The following NFKB1 variants were observed in gnomAD, a reference collection of about 807,000 sequenced individuals.
NFKB1 encodes nuclear factor NF-kappa-B p105 subunit.
In NFKB1, 9 loss-of-function variants were observed where a neutral mutation model predicts 105.1. The ratio of observed to expected loss-of-function variants is 0.09; its 90% CI spans 0.05 to 0.15. The LOEUF (loss-of-function observed/expected upper bound fraction) is 0.15, where lower values mean the gene tolerates loss of function less well. NFKB1 is among the 10% of genes least tolerant of loss of function. The probability of loss-of-function intolerance (pLI) is 1.00; values close to 1 mark genes in which losing one functional copy is unlikely to be tolerated. For missense variants in NFKB1, 830 were observed against 1,203.7 expected (o/e 0.69, Z 4.59); for synonymous variants, 440 against 442.2 (o/e 1.00, Z 0.06).
chr4:102,553,286 T>C (rs1449077628), intron 5 of NFKB1, among the ~76,000 whole-genome samples: 2 of 152,094 alleles, frequency 1.3e-5, no homozygotes, highest in Non-Finnish European at 2.9e-5. Context: ...AGTGATAAAA[T>C]AGATTTTCTA....
Position 102,601,029 on chromosome 4 carries a change from A to AT in NFKB1, c.1752+20_1752+21insT. On this transcript the variant is annotated intron_variant, in intron 16 of 23. Coordinates refer to ENST00000226574, the MANE Select transcript of NFKB1 (RefSeq NM_003998.4). ...TACCAGGTAAGCAGAAATCTCAAGA[A>AT]AACAACTGAAGAAAAATCTGTAGTT... 3.6e-6 allele frequency: 5 copies of AT among 1,394,990 alleles called. No homozygotes were observed. Among genetic ancestry groups the AT allele is most frequent in the Non-Finnish European group, 5.0e-6 (5 of 996,616 alleles). The allele number at this position is 1,394,990 out of a possible 1,614,324, so 86.4% of individuals were successfully genotyped here.
rs1725102658 is a variant in NFKB1, at chr4:102,579,059, C to T, written c.730+20C>T. Reference sequence around the variant, plus strand: ...ACAGTAGTGAGTACTTCACTTCCAACAGGGGGCACACCAAGAATAGACTTC... The same window carrying T: ...ACAGTAGTGAGTACTTCACTTCCAATAGGGGGCACACCAAGAATAGACTTC... On this transcript the variant is annotated intron_variant, in intron 8 of 23. Coordinates refer to ENST00000226574, the MANE Select transcript of NFKB1 (RefSeq NM_003998.4). 6.2e-7 allele frequency: 1 copy of T among 1,605,950 alleles called. No individual in the cohort carries two copies. The highest frequency in any genetic ancestry group is 1.1e-5 in the South Asian group (1 of 90,664).
intron 1 of NFKB1, among the ~76,000 whole-genome samples, chr4:102,514,383 A>AGT (rs1326856730): frequency 6.6e-6 from 1 of 152,134 alleles, no homozygotes; most frequent in Non-Finnish European, 1.5e-5. Context: ...GCCTGTAAGA[A>AGT]GTGATGGGAT....
intron 11 of NFKB1, among the ~76,000 whole-genome samples, chr4:102,586,338 G>C: frequency 6.6e-6 from 1 of 152,080 alleles, no homozygotes; most frequent in East Asian, 1.9e-4. Context: ...AAGGAACAAG[G>C]GAGCAAAAGT....
At chr4:102,526,893 C>T (rs1740950124) in intron 2 of NFKB1, among the ~76,000 whole-genome samples, 1 of 151,736 alleles carries the variant, frequency 6.6e-6, no homozygotes, top group South Asian at 2.1e-4. Context: ...TTAAAACCGA[C>T]ATTTTCGCTT....
At chr4:102,521,738 C>T (rs1306086488) in intron 1 of NFKB1, among the ~76,000 whole-genome samples, 3 of 152,112 alleles carry the variant, frequency 2.0e-5, no homozygotes, top group Admixed American at 2.0e-4. Context: ...ACAGCCTTCA[C>T]CAAGAAGCTC....
chr4:102,545,940 T>A (rs1722106667), intron 5 of NFKB1, among the ~76,000 whole-genome samples: 1 of 152,134 alleles, frequency 6.6e-6, no homozygotes, highest in African/African-American at 2.4e-5. Flanking sequence ...CGTGGAAAAC[T>A]GCTTATAACA....
At chr4:102,501,810 G>T (rs997723330) in intron 1 of NFKB1, 22 bp downstream of exon 1, 1 of 152,376 alleles carries the variant, frequency 6.6e-6, no homozygotes, top group African/African-American at 2.4e-5. Flanking sequence ...TCGGGCGAGT[G>T]GGGGCCCGGC....
At chr4:102,561,128 T>C (rs1413448065) in intron 5 of NFKB1, among the ~76,000 whole-genome samples, 1 of 152,230 alleles carries the variant, frequency 6.6e-6, no homozygotes, top group African/African-American at 2.4e-5. Flanking sequence ...TTCTGTACTA[T>C]CTTATTTGGT....
chr4:102,604,335 G>T (rs948421202), intron 16 of NFKB1, among the ~76,000 whole-genome samples: 1 of 152,118 alleles, frequency 6.6e-6, no homozygotes, highest in South Asian at 2.1e-4. Context: ...TTACAAAAAC[G>T]TACTAGGAAG....
intron 16 of NFKB1, among the ~76,000 whole-genome samples, chr4:102,604,984 A>AC (rs1727566625): frequency 6.6e-6 from 1 of 151,822 alleles, no homozygotes. Context: ...AAAAAAAAAA[A>AC]ACCTCTCCGA....
chr4:102,593,635 G>T (rs563638064), intron 12 of NFKB1, 67 bp downstream of exon 12: 6 of 1,503,876 alleles, frequency 4.0e-6, no homozygotes, highest in Non-Finnish European at 5.4e-6. Flanking sequence ...CTTTTCTTTG[G>T]TTTCTGAGCA....
At chr4:102,528,581 A>G (rs914144217) in intron 2 of NFKB1, among the ~76,000 whole-genome samples, 7 of 152,184 alleles carry the variant, frequency 4.6e-5, no homozygotes, top group Admixed American at 4.6e-4. Context: ...AAGCTAGTTC[A>G]GCACACTTAC....
At chr4:102,580,740 A>T in intron 9 of NFKB1, 101 bp downstream of exon 9, 1 of 825,190 alleles carries the variant, frequency 1.2e-6, no homozygotes, top group East Asian at 2.8e-5. Context: ...GACAAGAAAC[A>T]TCCCTCTGCT....
At chr4:102,581,307 C>T (rs1039932935) in intron 9 of NFKB1, among the ~76,000 whole-genome samples, 6 of 152,032 alleles carry the variant, frequency 3.9e-5, no homozygotes, top group African/African-American at 1.5e-4. Context: ...AGTATAATAT[C>T]TATTTACTAC....
chr4:102,587,161 A>T (rs573201263), intron 11 of NFKB1, among the ~76,000 whole-genome samples: 15 of 152,302 alleles, frequency 9.8e-5, no homozygotes, highest in Admixed American at 9.2e-4. Flanking sequence ...GCCTTCCGAG[A>T]GGCTGTCCCA....
chr4:102,586,947 G>T (rs4648041), intron 11 of NFKB1, among the ~76,000 whole-genome samples: 1 of 152,198 alleles, frequency 6.6e-6, no homozygotes, highest in Non-Finnish European at 1.5e-5. Flanking sequence ...TTTAGAAAAC[G>T]GTTCTACAAG....
intron 14 of NFKB1, 152 bp from the exon 15 acceptor site, chr4:102,597,368 A>T: frequency 1.3e-6 from 1 of 752,970 alleles, no homozygotes; most frequent in Non-Finnish European, 2.0e-6. Context: ...TTTCTAGTCC[A>T]CACAATCCAA....
chr4:102,534,586 G>A (rs528533752), intron 4 of NFKB1, among the ~76,000 whole-genome samples: 9 of 152,288 alleles, frequency 5.9e-5, no homozygotes, highest in African/African-American at 2.2e-4. Flanking sequence ...GAAAGAGAAA[G>A]AAAGGCAATC....
Sources: gnomAD v4.1 joint callset for allele counts (sites outside exome capture counted in the v4.1 genomes callset) on GRCh38, gnomAD v4.1.1 for gene constraint, MANE v1.5 for transcripts, NCBI Gene and HGNC (gene_info 2026-07-23, HGNC 2026-07-21) for gene names.